Variants in OTUD7B observed in about 807,000 individuals in gnomAD.
OTUD7B encodes OTU deubiquitinase 7B, also known as OTU domain-containing protein 7B.
In OTUD7B, 34 loss-of-function variants were observed where a neutral mutation model predicts 82.2. That is an observed-to-expected ratio of 0.41 (90% CI 0.31 to 0.55). The LOEUF (loss-of-function observed/expected upper bound fraction) is 0.55. Ranked by LOEUF, OTUD7B falls within the 20% of genes least tolerant of loss-of-function variation. OTUD7B has a pLI of 0.20. For missense variants in OTUD7B, 944 were observed against 1,062.1 expected (o/e 0.89, Z 1.55); for synonymous variants, 398 against 402.7 (o/e 0.99, Z 0.14).
chr1:150,067,132 C>T, the OTUD7B span: 1 of 152,274 alleles, frequency 6.6e-6, no homozygotes, highest in Admixed American at 6.5e-5. Context: ...AACCTCAGGC[C>T]TTTCCCCCAG....
chr1:149,956,506 T>C (rs1307659717), intron 7 of OTUD7B, among the ~76,000 whole-genome samples: 3 of 152,196 alleles, frequency 2.0e-5, no homozygotes, highest in Non-Finnish European at 2.9e-5. Flanking sequence ...CTGACAATTA[T>C]GTATTTCAGA....
chr1:150,061,119 T>C, the OTUD7B span, among the ~76,000 whole-genome samples: 15 of 152,352 alleles, frequency 9.8e-5, no homozygotes, highest in African/African-American at 3.1e-4. Flanking sequence ...CTCAAACTTC[T>C]GGCCTCCAAC....
chr1:150,038,479 T>C, the OTUD7B span, among the ~76,000 whole-genome samples: 1 of 152,006 alleles, frequency 6.6e-6, no homozygotes, highest in Non-Finnish European at 1.5e-5. Context: ...CTCCACCTCC[T>C]GGGTTCAAGT....
the OTUD7B span, among the ~76,000 whole-genome samples, chr1:150,019,489 T>G: frequency 6.6e-6 from 1 of 152,134 alleles, no homozygotes; most frequent in Non-Finnish European, 1.5e-5. Context: ...TGCCTCAGCC[T>G]CCTGAGTAGC....
At chr1:150,009,483 A>AC (rs1652883368) in intron 1 of OTUD7B, among the ~76,000 whole-genome samples, 1 of 152,220 alleles carries the variant, frequency 6.6e-6, no homozygotes, top group Non-Finnish European at 1.5e-5. Context: ...GCAAAGCGTT[A>AC]CGTAGTACGT....
rs1649588433 is a variant in OTUD7B at position 149,967,369 on chromosome 1, A to G, written c.427T>C (p.Tyr143His). ...ATGAAGCTGCGGAAGTCTTCATTGTATACAGTGAGATCTGGAAGCTGGAAG... is the reference window on the plus strand; with the variant it reads ...ATGAAGCTGCGGAAGTCTTCATTGTGTACAGTGAGATCTGGAAGCTGGAAG... ...CAFQLPDLTV[Y>H]NEDFRSFIER... The change falls in exon 4 of 12, where the codon TAC becomes CAC. Residue 143 changes from tyrosine to histidine, a missense_variant. By Grantham distance (83) the Tyr-to-His change is moderately conservative. This residue lies in a region of OTUD7B where 530 missense variants were observed against 625.6 expected (regional missense o/e 0.85). Coordinates refer to ENST00000581312, the MANE Select transcript of OTUD7B (RefSeq NM_020205.4). The G allele has an allele frequency of 1.2e-6, 2 of 1,614,170 alleles. No individual in the cohort carries two copies. The highest frequency in any genetic ancestry group is 1.3e-5 in the African/African-American group (1 of 75,032).
the OTUD7B span, among the ~76,000 whole-genome samples, chr1:150,029,060 T>G: frequency 2.6e-5 from 4 of 152,152 alleles, no homozygotes; most frequent in African/African-American, 9.7e-5. Context: ...TTTTTATGAA[T>G]TACAATTATA....
At chr1:150,021,940 G>A in the OTUD7B span, among the ~76,000 whole-genome samples, 1 of 152,128 alleles carries the variant, frequency 6.6e-6, no homozygotes, top group African/African-American at 2.4e-5. Flanking sequence ...CAGTCATTTA[G>A]AATACAGCTT....
intron 1 of OTUD7B, among the ~76,000 whole-genome samples, chr1:149,981,590 C>A (rs1300245756): frequency 1.3e-5 from 2 of 151,228 alleles, no homozygotes; most frequent in South Asian, 2.1e-4. Flanking sequence ...TGTAGATCAG[C>A]ATCATGATGT....
intron 2 of OTUD7B, among the ~76,000 whole-genome samples, chr1:149,972,073 A>C (rs1196835969): frequency 6.6e-6 from 1 of 152,192 alleles, no homozygotes; most frequent in African/African-American, 2.4e-5. Context: ...CTGCCTACAG[A>C]ATAAAACTCA....
chr1:149,944,320 G>A lies in OTUD7B; in HGVS notation c.2069C>T (p.Thr690Ile). 1 of 1,611,422 alleles carries A rather than the reference G, an allele frequency of 6.2e-7. No homozygotes were observed. The highest frequency in any genetic ancestry group is 1.1e-5 in the South Asian group (1 of 90,872). Residue 690 changes from threonine (T) to isoleucine (I), a missense_variant, in exon 12 of 12, where the codon ACT becomes ATT. Transcript: ENST00000581312. ...PAESRAMAFS[T>I]GYPGDFTIPR... ...GATAGTAAAGTCCCCAGGGTAGCCA[G>A]TGGAAAATGCCATTGCCCTGGACTC...
intron 1 of OTUD7B, among the ~76,000 whole-genome samples, chr1:149,979,532 C>G (rs1553779272): frequency 1.3e-5 from 2 of 152,140 alleles, no homozygotes. Flanking sequence ...GCCTCATGAT[C>G]TATGATCTTT....
In OTUD7B at chr1:149,943,624, C is replaced by A; in HGVS notation, c.*233G>T. On this transcript the variant is annotated 3_prime_UTR_variant, in exon 12 of 12. Coordinates refer to ENST00000581312, the MANE Select transcript of OTUD7B (RefSeq NM_020205.4). The stretch of plus-strand genomic sequence containing the variant: ...CATCTTTTCCCCTTGTACCTCAAAC[C>A]TCATCAAGTCAAGCTCTGCAGAGGA... 1.8e-6 allele frequency: 1 copy of A among 548,836 alleles called. No individual in the cohort carries two copies. The highest frequency in any genetic ancestry group is 3.2e-6 in the Non-Finnish European group (1 of 308,322). The allele number at this position is 548,836 out of a possible 1,614,324, so 34.0% of individuals were successfully genotyped here.
At chr1:149,953,106 T>A (rs1175762315) in intron 7 of OTUD7B, among the ~76,000 whole-genome samples, 6 of 152,162 alleles carry the variant, frequency 3.9e-5, no homozygotes, top group Non-Finnish European at 8.8e-5. Context: ...GGTGTTTTAG[T>A]CATGAAGTCC....
At chr1:149,945,502 C>A (rs953271390) in intron 11 of OTUD7B, among the ~76,000 whole-genome samples, 1 of 152,136 alleles carries the variant, frequency 6.6e-6, no homozygotes, top group Admixed American at 6.5e-5. Context: ...AAATTCTGCT[C>A]GAAACTAATC....
intron 1 of OTUD7B, among the ~76,000 whole-genome samples, chr1:149,983,734 G>A (rs1650946254): frequency 6.6e-6 from 1 of 152,138 alleles, no homozygotes; most frequent in African/African-American, 2.4e-5. Flanking sequence ...CCACTGAAAG[G>A]TTGCACGCAG....
At chr1:150,023,506 A>G in the OTUD7B span, among the ~76,000 whole-genome samples, 1 of 152,228 alleles carries the variant, frequency 6.6e-6, no homozygotes, top group African/African-American at 2.4e-5. Flanking sequence ...CCTGAAGGAC[A>G]TAGGCTAAGT....
the OTUD7B span, among the ~76,000 whole-genome samples, chr1:150,035,083 G>A: frequency 6.6e-6 from 1 of 151,242 alleles, no homozygotes; most frequent in Non-Finnish European, 1.5e-5. Context: ...GGCAGAGGTT[G>A]TAGTGAGCTG....
In OTUD7B at chr1:149,940,888, T is replaced by TC. The variant is rs1553770289; in HGVS notation, c.*2968dup. ...ACCTCCCCCCATCCCACCAAGACCC[T>TC]CCCCGAAAGAATGAAGCAAAACAAA... On this transcript the variant is annotated 3_prime_UTR_variant, in exon 12 of 12. Transcript: ENST00000581312. 6.6e-6 allele frequency: 1 copy of TC among 151,560 alleles called. No individual in the cohort carries two copies. Among genetic ancestry groups the TC allele is most frequent in the Non-Finnish European group, 1.5e-5 (1 of 67,912 alleles). The allele number at this position is 151,560 out of a possible 1,614,324, so 9.4% of individuals were successfully genotyped here.
Sources: gnomAD v4.1 joint callset for allele counts (sites outside exome capture counted in the v4.1 genomes callset) on GRCh38, gnomAD v4.1.1 for gene constraint, gnomAD v4.1.1 regional missense constraint, MANE v1.5 for transcripts, NCBI Gene and HGNC (gene_info 2026-07-23, HGNC 2026-07-21) for gene names.